LRRTM4: variants seen among roughly 807,000 people sequenced by gnomAD.
LRRTM4 encodes leucine rich repeat transmembrane neuronal 4.
LRRTM4 carries 25 observed loss-of-function variants against 47.6 expected under a neutral mutation model. The observed-to-expected ratio is 0.53, with a 90% CI of 0.38 to 0.73. The LOEUF (loss-of-function observed/expected upper bound fraction) is 0.73, where lower values mean the gene tolerates loss of function less well. LRRTM4 is among the 30% of genes least tolerant of loss of function. LRRTM4 has a pLI of 0.00. For missense variants in LRRTM4, 638 were observed against 713.4 expected (o/e 0.89, Z 1.20); for synonymous variants, 311 against 269.5 (o/e 1.15, Z -1.51).
intron 3 of LRRTM4, among the ~76,000 whole-genome samples, chr2:77,161,854 G>A (rs565685995): frequency 3.9e-5 from 6 of 152,148 alleles, no homozygotes; most frequent in African/African-American, 1.4e-4. Context: ...AGTATTTTGA[G>A]GTTAATTAAT....
At chr2:77,070,817 G>T (rs1238715975) in intron 3 of LRRTM4, among the ~76,000 whole-genome samples, 1 of 152,122 alleles carries the variant, frequency 6.6e-6, no homozygotes, top group Non-Finnish European at 1.5e-5. Flanking sequence ...TATTAGTAGA[G>T]ACGGGGTTTC....
At chr2:77,490,891 A>C (rs1440479291) in intron 3 of LRRTM4, among the ~76,000 whole-genome samples, 1 of 152,222 alleles carries the variant, frequency 6.6e-6, no homozygotes, top group African/African-American at 2.4e-5. Flanking sequence ...AAAACAAAGA[A>C]AAAGAAAAAA....
At chr2:77,334,638 G>GT (rs1475478552) in intron 3 of LRRTM4, among the ~76,000 whole-genome samples, 2 of 152,094 alleles carry the variant, frequency 1.3e-5, no homozygotes, top group African/African-American at 2.4e-5. Flanking sequence ...ATAAATCTCT[G>GT]TTTTTTGGTA....
chr2:77,195,248 C>G (rs1182637527), intron 3 of LRRTM4, among the ~76,000 whole-genome samples: 1 of 151,692 alleles, frequency 6.6e-6, no homozygotes, highest in East Asian at 1.9e-4. Context: ...TGACATGCCA[C>G]TAAAATATAT....
At chr2:76,798,315 T>A (rs1410976430) in intron 3 of LRRTM4, among the ~76,000 whole-genome samples, 1 of 151,932 alleles carries the variant, frequency 6.6e-6, no homozygotes, top group Non-Finnish European at 1.5e-5. Flanking sequence ...ACCACTCAAC[T>A]ACATGGAAAC....
At chr2:77,498,477 A>G (rs1433324672) in intron 3 of LRRTM4, among the ~76,000 whole-genome samples, 1 of 151,692 alleles carries the variant, frequency 6.6e-6, no homozygotes, top group East Asian at 1.9e-4. Flanking sequence ...CCATCGTTAA[A>G]CTGAGTTCAG....
chr2:76,791,728 G>C (rs995196948), intron 3 of LRRTM4, among the ~76,000 whole-genome samples: 2 of 152,156 alleles, frequency 1.3e-5, no homozygotes, highest in African/African-American at 4.8e-5. Flanking sequence ...TGACAGAATC[G>C]ACATGTAGAA....
At chr2:76,801,526 A>AG (rs1675681374) in intron 3 of LRRTM4, among the ~76,000 whole-genome samples, 1 of 151,778 alleles carries the variant, frequency 6.6e-6, no homozygotes, top group Admixed American at 6.6e-5. Flanking sequence ...GTGTGGGGGG[A>AG]GGGGGAAGGG....
intron 3 of LRRTM4, among the ~76,000 whole-genome samples, chr2:76,996,573 C>T (rs1677210490): frequency 6.6e-6 from 1 of 151,888 alleles, no homozygotes; most frequent in Admixed American, 6.6e-5. Context: ...AAAAAAATGA[C>T]TATAAAGCTG....
intron 3 of LRRTM4, among the ~76,000 whole-genome samples, chr2:76,949,511 A>G (rs1376948524): frequency 6.6e-6 from 1 of 151,904 alleles, no homozygotes; most frequent in African/African-American, 2.4e-5. Flanking sequence ...CATAGAAGAG[A>G]TAACATTTTC....
At chr2:77,163,441 G>T (rs935689769) in intron 3 of LRRTM4, among the ~76,000 whole-genome samples, 1 of 152,070 alleles carries the variant, frequency 6.6e-6, no homozygotes. Flanking sequence ...ACCTAACAAG[G>T]CAGGCCAACA....
At chr2:77,038,426 C>CA (rs1678907918) in intron 3 of LRRTM4, among the ~76,000 whole-genome samples, 1 of 151,440 alleles carries the variant, frequency 6.6e-6, no homozygotes, top group Non-Finnish European at 1.5e-5. Flanking sequence ...CACAAGTTAG[C>CA]ATTACCTTTT....
intron 3 of LRRTM4, among the ~76,000 whole-genome samples, chr2:76,754,697 A>G (rs1672966755): frequency 1.3e-5 from 2 of 152,158 alleles, no homozygotes; most frequent in Non-Finnish European, 2.9e-5. Context: ...TGAGGTGTCT[A>G]CTTCCCTTTG....
chr2:77,131,103 G>A (rs898435108), intron 3 of LRRTM4, among the ~76,000 whole-genome samples: 1 of 151,716 alleles, frequency 6.6e-6, no homozygotes, highest in African/African-American at 2.4e-5. Flanking sequence ...CAAAGTGCTG[G>A]GATTACAGGC....
chr2:77,073,099 G>A (rs995612752), intron 3 of LRRTM4, among the ~76,000 whole-genome samples: 1 of 151,756 alleles, frequency 6.6e-6, no homozygotes, highest in Non-Finnish European at 1.5e-5. Flanking sequence ...ATTTGAACAA[G>A]ATCTCCAGGT....
chr2:77,168,998 T>A (rs970300744), intron 3 of LRRTM4, among the ~76,000 whole-genome samples: 7 of 152,098 alleles, frequency 4.6e-5, no homozygotes, highest in Non-Finnish European at 8.8e-5. Flanking sequence ...TTTTAACATA[T>A]CCAGAAAAGC....
In LRRTM4 at chr2:77,482,369, T is replaced by TA. The variant is rs572184824; in HGVS notation, c.1551+35948dup. On this transcript the variant is annotated intron_variant, in intron 3 of 3. Coordinates refer to ENST00000409884, the MANE Select transcript of LRRTM4 (RefSeq NM_001134745.3). Reference sequence around the variant, plus strand: ...CGAAATAAATGAAGAGGCAGAGAAATAAAAAAAGAAATGTAAATTACCATA... The same window carrying TA: ...CGAAATAAATGAAGAGGCAGAGAAATAAAAAAAAGAAATGTAAATTACCATA... Among the ~76,000 whole-genome samples the TA allele has an allele frequency of 1.0e-3, 159 of 151,756 alleles. 2 individuals are homozygous for TA. Among genetic ancestry groups the TA allele is most frequent in the African/African-American group, 3.6e-3 (150 of 41,396 alleles).
At chr2:77,065,795 T>A (rs1170941116) in intron 3 of LRRTM4, among the ~76,000 whole-genome samples, 2 of 152,174 alleles carry the variant, frequency 1.3e-5, no homozygotes, top group African/African-American at 4.8e-5. Flanking sequence ...AATTTCCAAT[T>A]CACCTGCCTA....
intron 3 of LRRTM4, among the ~76,000 whole-genome samples, chr2:76,754,720 G>A (rs1672967782): frequency 6.6e-6 from 1 of 152,098 alleles, no homozygotes; most frequent in Admixed American, 6.5e-5. Context: ...TAGAATACAG[G>A]CTGGCCTTGT....
Sources: gnomAD v4.1 joint callset for allele counts (sites outside exome capture counted in the v4.1 genomes callset) on GRCh38, gnomAD v4.1.1 for gene constraint, MANE v1.5 for transcripts, NCBI Gene and HGNC (gene_info 2026-07-23, HGNC 2026-07-21) for gene names.